The following SPTB variants were observed in gnomAD, a reference collection of about 807,000 sequenced individuals.
SPTB encodes the protein spectrin beta chain, erythrocytic.
A neutral mutation model predicts 256.2 loss-of-function variants in SPTB; 45 were observed. That is an observed-to-expected ratio of 0.18 (90% CI 0.14 to 0.23). SPTB has a LOEUF of 0.23. Among genes scored for constraint, SPTB ranks in the 10% least tolerant of loss-of-function variants. SPTB has a pLI of 1.00. For missense variants in SPTB, 2,715 were observed against 3,040.4 expected (o/e 0.89, Z 2.52); for synonymous variants, 1,231 against 1,243.1 (o/e 0.99, Z 0.21).
intron 2 of SPTB, among the ~76,000 whole-genome samples, chr14:64,822,107 C>T (rs1300073769): frequency 6.6e-6 from 1 of 151,716 alleles, no homozygotes; most frequent in Non-Finnish European, 1.5e-5. Context: ...CCAGTGTGGG[C>T]TGCTGACTGG....
intron 7 of SPTB, 84 bp from the exon 8 acceptor site, chr14:64,800,952 G>T: frequency 9.3e-7 from 1 of 1,077,916 alleles, no homozygotes. Context: ...CATTCCTCCA[G>T]CATCAAGTTC....
In SPTB at chr14:64,790,537, A is replaced by G. The variant is rs952970927; in HGVS notation, c.2804+1182T>C. Among the ~76,000 whole-genome samples, 5 of 152,244 alleles carry G rather than the reference A, an allele frequency of 3.3e-5. No individual in the cohort carries two copies. The highest frequency in any genetic ancestry group is 1.2e-4 in the African/African-American group (5 of 41,466). ...AGGAATCTCCTAAACCGCACTCTGC[A>G]GCTTGGGCTGCTAAGACAATCATCC... On this transcript the variant is annotated intron_variant, in intron 15 of 35. Transcript: ENST00000644917. This position sits in a 1 kb window ranked among gnomAD's most constrained non-coding sequence, Gnocchi z 4.8.
chr14:64,876,314 G>C (rs936018514), intron 1 of SPTB, among the ~76,000 whole-genome samples: 1 of 152,014 alleles, frequency 6.6e-6, no homozygotes, highest in Non-Finnish European at 1.5e-5. Context: ...GCTAATTTTT[G>C]TATTTTTAGT....
intron 2 of SPTB, among the ~76,000 whole-genome samples, chr14:64,814,452 T>C (rs1203317168): frequency 2.0e-5 from 3 of 152,214 alleles, no homozygotes; most frequent in Non-Finnish European, 4.4e-5. Context: ...ATATTTTCTA[T>C]ATTAAATATA....
chr14:64,774,609 G>A (rs913520121), intron 23 of SPTB, 82 bp from the exon 24 acceptor site: 58 of 1,543,270 alleles, frequency 3.8e-5, no homozygotes, highest in Non-Finnish European at 4.4e-5. Flanking sequence ...CACTCCTGGA[G>A]GTGCCCGAGG....
intron 15 of SPTB, 26 bp downstream of exon 15, chr14:64,791,693 C>T (rs201887184): frequency 7.1e-5 from 114 of 1,613,870 alleles, no homozygotes; most frequent in Middle Eastern, 1.7e-4. Flanking sequence ...ACAATGCCCC[C>T]GCCCCATGCC....
In SPTB at chr14:64,785,610, T is replaced by C. The variant is rs775350990; in HGVS notation, c.3782A>G (p.Glu1261Gly). 5.0e-6 allele frequency: 8 copies of C among 1,614,140 alleles called. No homozygotes were observed. The South Asian group carries it at 8.8e-5, about 18-fold the overall frequency. ...TAGGACAGAGGCCTCCTGGGCCTTC[T>C]CGTTGTTCTTCCTGTGCCTGGAAAG... ...LIEDRHRKNN[E>G]KAQEASVLLR... Residue 1261 changes from glutamate (E) to glycine (G), a missense_variant, in exon 18 of 36, where the codon GAG (glutamate) becomes GGG (glycine). This residue lies in a region of SPTB where 2,239 missense variants were observed against 2,384.4 expected (regional missense o/e 0.94). Coordinates refer to ENST00000644917, the MANE Select transcript of SPTB (RefSeq NM_001355436.2). This position sits in a 1 kb window ranked among gnomAD's most constrained non-coding sequence, Gnocchi z 4.4.
At chr14:64,784,174 AC>A (rs2082520577) in intron 19 of SPTB, 72 bp downstream of exon 19, 1 of 1,604,958 alleles carries the variant, frequency 6.2e-7, no homozygotes, top group African/African-American at 1.3e-5. Context: ...CAGGGTCCAC[AC>A]CCTGGGTGAA....
intron 1 of SPTB, among the ~76,000 whole-genome samples, chr14:64,849,112 T>C (rs1201214351): frequency 6.6e-6 from 1 of 152,232 alleles, no homozygotes; most frequent in Admixed American, 6.5e-5. Context: ...CCTTTATTTA[T>C]CCTCCTTTGT....
In SPTB at chr14:64,795,324, C is replaced by T. The variant is rs1201052598; in HGVS notation, c.1644+13G>A. The T allele has an allele frequency of 2.5e-6, 4 of 1,602,774 alleles. No individual in the cohort carries two copies. Among genetic ancestry groups the T allele is most frequent in the South Asian group, 2.2e-5 (2 of 90,946 alleles). ...CACTGCAGGGCATGGCGGGGGCGGC[C>T]CCCAGGGCCCACCTTGATCTCATCC... On this transcript the variant is annotated intron_variant, in intron 12 of 35. Transcript: ENST00000644917. The surrounding 1 kb of genome is among the most constrained non-coding windows in gnomAD (Gnocchi z 6.5).
chr14:64,842,144 G>A (rs230700), intron 1 of SPTB, among the ~76,000 whole-genome samples: 22,877 of 152,256 alleles, frequency 0.15, 2,411 homozygotes, highest in African/African-American at 0.29. Flanking sequence ...AGGAAGGCGC[G>A]TGTGCGGGGC....
intron 1 of SPTB, among the ~76,000 whole-genome samples, chr14:64,830,370 ATTATTATTATTT>A (rs2083436224): frequency 2.0e-5 from 2 of 98,528 alleles, no homozygotes; most frequent in South Asian, 3.9e-4. Context: ...TATTATTATT[ATTATTATTATTT>A]TATTTTATTT....
rs1298366836 is a variant in SPTB at position 64,823,597 on chromosome 14, G to A, written c.-51-452C>T. 6.6e-6 allele frequency among the ~76,000 whole-genome samples: 1 copy of A among 152,180 alleles called. No individual in the cohort carries two copies. Among genetic ancestry groups the A allele is most frequent in the Non-Finnish European group, 1.5e-5 (1 of 68,034 alleles). Reference sequence around the variant, plus strand: ...GGGGACAGGCCAGGGGAAGGGAGAGGCTGGAAACAGGCTGAGTCTGACCCA... The same window carrying A: ...GGGGACAGGCCAGGGGAAGGGAGAGACTGGAAACAGGCTGAGTCTGACCCA... On this transcript the variant is annotated intron_variant, in intron 1 of 35. Coordinates refer to ENST00000644917, the MANE Select transcript of SPTB (RefSeq NM_001355436.2). The surrounding 1 kb of genome is among the most constrained non-coding windows in gnomAD (Gnocchi z 6.5).
intron 2 of SPTB, among the ~76,000 whole-genome samples, chr14:64,808,076 A>G (rs892041655): frequency 6.6e-6 from 1 of 152,110 alleles, no homozygotes; most frequent in African/African-American, 2.4e-5. Context: ...GCAGCGGCGC[A>G]ATCTTGGCTC....
chr14:64,863,792 C>T (rs775677185), intron 1 of SPTB, among the ~76,000 whole-genome samples: 3 of 152,216 alleles, frequency 2.0e-5, no homozygotes, highest in African/African-American at 4.8e-5. Context: ...AGAATAGCAT[C>T]GGCTTTTGGG....
chr14:64,768,036 C>A (rs1047152320), intron 29 of SPTB, 177 bp from the exon 30 acceptor site: 8 of 690,310 alleles, frequency 1.2e-5, no homozygotes, highest in Non-Finnish European at 1.8e-5. Context: ...CCTAACCGAT[C>A]TTCACAATAG....
chr14:64,872,882 C>T (rs1004074808), intron 1 of SPTB, among the ~76,000 whole-genome samples: 6 of 152,218 alleles, frequency 3.9e-5, no homozygotes, highest in African/African-American at 1.4e-4. Flanking sequence ...GTATGACATG[C>T]CTTTGCTCCT....
In SPTB at chr14:64,785,432, C is replaced by T. The variant is rs1187561166; in HGVS notation, c.3855+105G>A. 8.7e-6 allele frequency: 9 copies of T among 1,036,888 alleles called. No individual in the cohort carries two copies. The East Asian group carries it at 2.1e-4, about 24-fold the overall frequency. 64.2% of individuals were successfully genotyped at this position (1,036,888 alleles called of 1,614,324 possible). A position where few individuals can be genotyped will look rare whatever the true frequency, so the allele number is the denominator to read the frequency against. On this transcript the variant is annotated intron_variant, in intron 18 of 35. Transcript: ENST00000644917. This position sits in a 1 kb window ranked among gnomAD's most constrained non-coding sequence, Gnocchi z 4.4. Reference sequence around the variant, plus strand: ...AGAGGTCCCCGCTCATGGAATCCCACAGCTCTTGAGCTAGAAAGGATCCCT... The same window carrying T: ...AGAGGTCCCCGCTCATGGAATCCCATAGCTCTTGAGCTAGAAAGGATCCCT...
At chr14:64,800,670 C>G in intron 8 of SPTB, 86 bp downstream of exon 8, 1 of 1,208,480 alleles carries the variant, frequency 8.3e-7, no homozygotes, top group South Asian at 1.2e-5. Flanking sequence ...TACTCTTCAC[C>G]CTTTCTTTGG....
Sources: gnomAD v4.1 joint callset for allele counts (sites outside exome capture counted in the v4.1 genomes callset) on GRCh38, gnomAD v4.1.1 for gene constraint, gnomAD v4.1.1 regional missense constraint, Gnocchi (gnomAD v3.1) non-coding constraint, MANE v1.5 for transcripts, NCBI Gene and HGNC (gene_info 2026-07-23, HGNC 2026-07-21) for gene names.